ZNF493: variants seen among roughly 807,000 people sequenced by gnomAD.
ZNF493 encodes zinc finger protein 493.
ZNF493 carries 11 observed loss-of-function variants against 12.2 expected under a neutral mutation model. That is an observed-to-expected ratio of 0.90 (90% CI 0.57 to 1.50). The LOEUF is 1.50. ZNF493 is among the 40% of genes most tolerant of loss of function. The pLI, the probability that ZNF493 is intolerant of heterozygous loss-of-function variation, is 0.00. For synonymous variants in ZNF493, 286 were observed against 302.6 expected, an observed-to-expected ratio of 0.95 and a Z score of 0.57; for missense variants, 950 against 906.6, an observed-to-expected ratio of 1.05 and a Z score of -0.61.
chr19:21,415,899 C>A (rs1026409869), intron 3 of ZNF493, among the ~76,000 whole-genome samples: 11 of 152,192 alleles, frequency 7.2e-5, no homozygotes, highest in African/African-American at 2.4e-4. Flanking sequence ...AGAAGGCAAT[C>A]CTGGTTGTAA....
At chr19:21,397,592 TG>T in intron 1 of ZNF493, 1 of 535,378 alleles carries the variant, frequency 1.9e-6, no homozygotes, top group Non-Finnish European at 3.3e-6. Flanking sequence ...AATCCTGACT[TG>T]GGGTGCGGGT....
intron 3 of ZNF493, among the ~76,000 whole-genome samples, chr19:21,407,311 T>A (rs534587441): frequency 1.6e-3 from 241 of 152,156 alleles, no homozygotes; most frequent in African/African-American, 5.7e-3. Context: ...TTTTTTGAGA[T>A]GGAGTCTCAC....
chr19:21,408,010 T>G (rs988844005), intron 3 of ZNF493: 10 of 985,116 alleles, frequency 1.0e-5, no homozygotes, highest in Non-Finnish European at 1.2e-5. Context: ...CCTCTGGGTT[T>G]GTAGTGGAGT....
chr19:21,420,841 T>G (rs2030654969), intron 3 of ZNF493, among the ~76,000 whole-genome samples: 1 of 149,130 alleles, frequency 6.7e-6, no homozygotes, highest in Non-Finnish European at 1.5e-5. Context: ...AACCCCTGCC[T>G]CCTTTGTTCA....
In ZNF493 at chr19:21,397,342, G is replaced by C. The variant is rs545691546; in HGVS notation, c.30+75G>C. 3 of 1,551,226 alleles carry C rather than the reference G, an allele frequency of 1.9e-6. No homozygotes were observed. The South Asian group carries it at 3.3e-5, about 17-fold the overall frequency. ...AACCGGTGGGAAGTGGCTGTGGCGG[G>C]ACTCAGGCCTCCCCGCAGTCAGCTC... On this transcript the variant is annotated intron_variant, in intron 1 of 3. Transcript: ENST00000392288.
chr19:21,419,092 G>C (rs2030578682), intron 3 of ZNF493, among the ~76,000 whole-genome samples: 1 of 152,166 alleles, frequency 6.6e-6, no homozygotes. Context: ...TGAGGAGGAA[G>C]ATGTGGAAGA....
rs2030821705 is a variant in ZNF493, at chr19:21,425,149, C to A, written c.*165C>A. The A allele has an allele frequency of 2.3e-6, 2 of 855,576 alleles. No individual in the cohort carries two copies. Among genetic ancestry groups the A allele is most frequent in the South Asian group, 1.5e-5 (1 of 66,418 alleles). 53.0% of individuals were successfully genotyped at this position (855,576 alleles called of 1,614,324 possible). On this transcript the variant is annotated 3_prime_UTR_variant, in exon 4 of 4. Coordinates refer to ENST00000392288, the MANE Select transcript of ZNF493 (RefSeq NM_001076678.3). Reference sequence around the variant, plus strand: ...GATTTCTATTGATTCTCATACCTTACTAAATATAAGATAATTCATATTGGA... The same window carrying A: ...GATTTCTATTGATTCTCATACCTTAATAAATATAAGATAATTCATATTGGA...
At chr19:21,399,338 T>C (rs1974224142) in intron 1 of ZNF493, among the ~76,000 whole-genome samples, 1 of 151,850 alleles carries the variant, frequency 6.6e-6, no homozygotes, top group South Asian at 2.1e-4. Flanking sequence ...TTTTTTGTGT[T>C]TTTAGTAGAG....
In ZNF493 at chr19:21,425,150, T is replaced by A; in HGVS notation, c.*166T>A. 2 of 851,532 alleles carry A rather than the reference T, an allele frequency of 2.3e-6. No individual in the cohort carries two copies. The highest frequency in any genetic ancestry group is 3.8e-6 in the Non-Finnish European group (2 of 520,024). The allele number at this position is 851,532 out of a possible 1,614,324, so 52.7% of individuals were successfully genotyped here. ...ATTTCTATTGATTCTCATACCTTACTAAATATAAGATAATTCATATTGGAG... is the reference window on the plus strand; with the variant it reads ...ATTTCTATTGATTCTCATACCTTACAAAATATAAGATAATTCATATTGGAG... On this transcript the variant is annotated 3_prime_UTR_variant, in exon 4 of 4. Coordinates refer to ENST00000392288, the MANE Select transcript of ZNF493 (RefSeq NM_001076678.3).
intron 1 of ZNF493, among the ~76,000 whole-genome samples, chr19:21,399,884 C>T (rs887571537): frequency 3.9e-5 from 6 of 152,074 alleles, no homozygotes; most frequent in East Asian, 1.9e-4. Context: ...TTCATAAAAA[C>T]GTAAGTTCCT....
At chr19:21,422,484 A>G (rs914411325) in intron 3 of ZNF493, among the ~76,000 whole-genome samples, 1 of 104,388 alleles carries the variant, frequency 9.6e-6, no homozygotes, top group East Asian at 2.9e-4. Flanking sequence ...TTTTTTTGAG[A>G]TGTATTCTCA....
rs916022356 is a variant in ZNF493 at position 21,426,940 on chromosome 19, C to T, written c.*1956C>T. 1.8e-5 allele frequency: 3 copies of T among 162,512 alleles called. No individual in the cohort carries two copies. The highest frequency in any genetic ancestry group is 4.3e-4 in the South Asian group (2 of 4,656). 10.1% of individuals were successfully genotyped at this position (162,512 alleles called of 1,614,324 possible). On this transcript the variant is annotated 3_prime_UTR_variant, in exon 4 of 4. Coordinates refer to ENST00000392288, the MANE Select transcript of ZNF493 (RefSeq NM_001076678.3). ...TTTTTTGTAGAATAATAACTATATTCGGATTATACTTTGTTTCTTGAAAAA... is the reference window on the plus strand; with the variant it reads ...TTTTTTGTAGAATAATAACTATATTTGGATTATACTTTGTTTCTTGAAAAA...
At chr19:21,422,849 A>G in intron 3 of ZNF493, 64 bp from the exon 4 acceptor site, 3 of 1,387,904 alleles carry the variant, frequency 2.2e-6, no homozygotes, top group Non-Finnish European at 2.9e-6. Context: ...TATAGTTTAG[A>G]TTTGTAATCT....
rs140811052 is a variant in ZNF493 at position 21,413,284 on chromosome 19, A to T, written c.253+7428A>T. Reference sequence around the variant, plus strand: ...ATACTGAGATAAGAAAGCATGTGTAACTGTGTCATAGAGTGATTACATCCA... The same window carrying T: ...ATACTGAGATAAGAAAGCATGTGTATCTGTGTCATAGAGTGATTACATCCA... On this transcript the variant is annotated intron_variant, in intron 3 of 3. Transcript: ENST00000392288. The T allele has an allele frequency of 2.5e-4, 104 of 415,880 alleles. No individual in the cohort carries two copies. In the East Asian group the frequency reaches 4.0e-3, roughly 16 times the overall value. 25.8% of individuals were successfully genotyped at this position (415,880 alleles called of 1,614,324 possible). A position where few individuals can be genotyped will look rare whatever the true frequency, so the allele number is the denominator to read the frequency against.
At chr19:21,405,578 G>A in intron 2 of ZNF493, 183 bp from the exon 3 acceptor site, 1 of 1,186,318 alleles carries the variant, frequency 8.4e-7, no homozygotes, top group Non-Finnish European at 1.1e-6. Context: ...AATACTGGGT[G>A]GCAAAATTAA....
chr19:21,407,299 T>A (rs567198504), intron 3 of ZNF493, among the ~76,000 whole-genome samples: 87 of 152,102 alleles, frequency 5.7e-4, no homozygotes, highest in East Asian at 9.6e-4. Flanking sequence ...TATTATTATT[T>A]TTTTTTTGAG....
intron 1 of ZNF493, among the ~76,000 whole-genome samples, chr19:21,401,665 G>A (rs8102342): frequency 0.58 from 87,793 of 151,136 alleles, 25,842 homozygotes; most frequent in Middle Eastern, 0.69. Flanking sequence ...TCACTCTGTC[G>A]CCCAGGCTGG....
rs2030854410 is a variant in ZNF493, at chr19:21,426,300, A to G, written c.*1316A>G. 5.4e-6 allele frequency: 1 copy of G among 186,426 alleles called. No homozygotes were observed. 11.5% of individuals were successfully genotyped at this position (186,426 alleles called of 1,614,324 possible). The stretch of plus-strand genomic sequence containing the variant: ...GAACAATGTGGCAAAGTTTTTAACT[A>G]ATACACCTTATTGCACAGAAAATCA... On this transcript the variant is annotated 3_prime_UTR_variant, in exon 4 of 4. Transcript: ENST00000392288.
chr19:21,398,171 T>C (rs1417410376), intron 1 of ZNF493: 2 of 152,852 alleles, frequency 1.3e-5, no homozygotes, highest in Non-Finnish European at 1.5e-5. Flanking sequence ...CAGTTTCCTC[T>C]GACGTTCCTA....
Sources: allele counts gnomAD v4.1 joint callset (sites outside exome capture counted in the v4.1 genomes callset), GRCh38; gene constraint gnomAD v4.1.1; transcripts MANE v1.5; gene names NCBI Gene and HGNC (gene_info 2026-07-23, HGNC 2026-07-21).